The following GRIA4 variants were observed in gnomAD, a reference collection of about 807,000 sequenced individuals.
The protein encoded by GRIA4 is glutamate ionotropic receptor AMPA type subunit 4.
In GRIA4, 34 loss-of-function variants were observed where a neutral mutation model predicts 104.0. The observed-to-expected ratio is 0.33, with a 90% CI of 0.25 to 0.44. The LOEUF (loss-of-function observed/expected upper bound fraction) is 0.44, where lower values mean the gene tolerates loss of function less well. GRIA4 is among the 20% of genes least tolerant of loss of function. GRIA4 has a pLI of 1.00. For missense variants in GRIA4, 750 were observed against 1,096.5 expected, an observed-to-expected ratio of 0.68 and a Z score of 4.46; for synonymous variants, 386 against 381.9, an observed-to-expected ratio of 1.01 and a Z score of -0.13.
chr11:105,691,934 T>C (rs1271536594), intron 3 of GRIA4, among the ~76,000 whole-genome samples: 1 of 32,062 alleles, frequency 3.1e-5, no homozygotes, highest in African/African-American at 1.4e-4. Flanking sequence ...AAACTCCGTC[T>C]CAAAAAAAAA....
chr11:105,954,513 T>C (rs1455000100), intron 14 of GRIA4, among the ~76,000 whole-genome samples: 1 of 152,200 alleles, frequency 6.6e-6, no homozygotes, highest in East Asian at 1.9e-4. Context: ...TGATTTGTTG[T>C]ATTTTCTTTC....
intron 3 of GRIA4, among the ~76,000 whole-genome samples, chr11:105,713,228 C>T (rs1409112943): frequency 6.6e-6 from 1 of 151,930 alleles, no homozygotes; most frequent in African/African-American, 2.4e-5. Flanking sequence ...ACTAAAAATA[C>T]AAAAATTAGC....
intron 3 of GRIA4, among the ~76,000 whole-genome samples, chr11:105,683,455 C>T (rs578134834): frequency 6.6e-6 from 1 of 152,020 alleles, no homozygotes; most frequent in African/African-American, 2.4e-5. Flanking sequence ...TTAACCAAGG[C>T]TCCTGAAGAC....
At chr11:105,856,593 A>G (rs1012104319) in intron 4 of GRIA4, among the ~76,000 whole-genome samples, 9 of 152,172 alleles carry the variant, frequency 5.9e-5, no homozygotes, top group Non-Finnish European at 1.3e-4. Flanking sequence ...AAGAGAAGCA[A>G]GGAAATATAT....
chr11:105,640,743 T>C (rs1434756353), intron 3 of GRIA4, among the ~76,000 whole-genome samples: 1 of 152,012 alleles, frequency 6.6e-6, no homozygotes, highest in Non-Finnish European at 1.5e-5. Flanking sequence ...TGGACATATG[T>C]GTCCACAGGC....
At chr11:105,624,969 C>T (rs776945172) in intron 3 of GRIA4, among the ~76,000 whole-genome samples, 2 of 151,958 alleles carry the variant, frequency 1.3e-5, no homozygotes, top group Non-Finnish European at 2.9e-5. Flanking sequence ...AGACTATGCA[C>T]ATTATTTTTG....
At chr11:105,862,344 A>G (rs908635558) in intron 5 of GRIA4, 136 bp downstream of exon 5, 6 of 610,444 alleles carry the variant, frequency 9.8e-6, no homozygotes, top group Non-Finnish European at 1.7e-5. Context: ...TTCCATGACT[A>G]TCTTCAGGAC....
At position 105,887,522 on chromosome 11, in the gene GRIA4, G is replaced by T; in HGVS notation, c.676G>T (p.Val226Leu). The change falls in exon 6 of 17, where the codon GTA becomes TTA. Residue 226 changes from valine (V) to leucine (L), a missense_variant. This residue lies in a region of GRIA4 where 410 missense variants were observed against 502.7 expected (regional missense o/e 0.82). Coordinates refer to ENST00000282499, the MANE Select transcript of GRIA4 (RefSeq NM_000829.4). ...ERLQNILEQIVSVGKHVKGYH... is the reference protein window; with the variant it reads ...ERLQNILEQILSVGKHVKGYH... Reference sequence around the variant, plus strand: ...TTATTTGCTTATATCTTCACAGATTGTAAGTGTTGGAAAGCATGTTAAAGG... The same window carrying T: ...TTATTTGCTTATATCTTCACAGATTTTAAGTGTTGGAAAGCATGTTAAAGG... 7.4e-7 allele frequency: 1 copy of T among 1,358,742 alleles called. No individual in the cohort carries two copies. The highest frequency in any genetic ancestry group is 1.0e-6 in the Non-Finnish European group (1 of 964,756). The allele number at this position is 1,358,742 out of a possible 1,614,324, so 84.2% of individuals were successfully genotyped here. A position where few individuals can be genotyped will look rare whatever the true frequency, so the allele number is the denominator to read the frequency against.
chr11:105,844,194 T>C (rs1944494927), intron 4 of GRIA4, among the ~76,000 whole-genome samples: 1 of 152,214 alleles, frequency 6.6e-6, no homozygotes, highest in Non-Finnish European at 1.5e-5. Flanking sequence ...AAAAATTTAA[T>C]GAAATGGATA....
At chr11:105,704,742 A>AAATTTTGGGGTTT in intron 3 of GRIA4, among the ~76,000 whole-genome samples, 1 of 152,158 alleles carries the variant, frequency 6.6e-6, no homozygotes, top group Non-Finnish European at 1.5e-5. Context: ...AAAAATTTTA[A>AAATTTTGGGGTTT]AACATCCCCA....
chr11:105,926,686 C>A (rs1565346985), intron 12 of GRIA4, 55 bp from the exon 13 acceptor site: 1 of 1,068,632 alleles, frequency 9.4e-7, no homozygotes, highest in Non-Finnish European at 1.4e-6. Context: ...TATTTCTTTT[C>A]TTTCTCTATG....
intron 3 of GRIA4, among the ~76,000 whole-genome samples, chr11:105,739,481 A>C (rs1486592269): frequency 3.3e-5 from 5 of 152,202 alleles, no homozygotes; most frequent in Admixed American, 6.5e-5. Flanking sequence ...CTTAATTGAT[A>C]TATAATTAAA....
intron 3 of GRIA4, among the ~76,000 whole-genome samples, chr11:105,664,917 C>T (rs1010510890): frequency 6.6e-6 from 1 of 151,794 alleles, no homozygotes; most frequent in South Asian, 2.1e-4. Flanking sequence ...ACATTTGATT[C>T]TTTTTCCAAA....
At chr11:105,924,997 T>C (rs1947665562) in intron 12 of GRIA4, among the ~76,000 whole-genome samples, 1 of 152,138 alleles carries the variant, frequency 6.6e-6, no homozygotes, top group South Asian at 2.1e-4. Flanking sequence ...ATCAGAGCTC[T>C]CAAAAATCAT....
intron 3 of GRIA4, among the ~76,000 whole-genome samples, chr11:105,697,192 C>G (rs1415992327): frequency 6.6e-6 from 1 of 152,102 alleles, no homozygotes; most frequent in Non-Finnish European, 1.5e-5. Context: ...CAGAGTGTGA[C>G]TGTTTTGGTG....
intron 4 of GRIA4, among the ~76,000 whole-genome samples, chr11:105,764,954 G>T (rs554091299): frequency 1.3e-4 from 20 of 152,200 alleles, no homozygotes; most frequent in Admixed American, 8.5e-4. Context: ...ACATGTAGTT[G>T]TCAGAATGAG....
In GRIA4 at chr11:105,862,138, T is replaced by C. The variant is rs531902556; in HGVS notation, c.602T>C (p.Leu201Pro). The C allele has an allele frequency of 1.9e-6, 3 of 1,608,726 alleles. No individual in the cohort carries two copies. Among genetic ancestry groups the C allele is most frequent in the South Asian group, 1.1e-5 (1 of 90,976 alleles). ...AGCTATAGGCAACTTCTAGAAGAACTTGACAGAAGACAAGAGAAGAAGTTT... is the reference window on the plus strand; with the variant it reads ...AGCTATAGGCAACTTCTAGAAGAACCTGACAGAAGACAAGAGAAGAAGTTT... ...DVSYRQLLEE[L>P]DRRQEKKFVI... Residue 201 changes from leucine (L) to proline (P), a missense_variant, in exon 5 of 17, where the codon CTT (leucine) becomes CCT (proline). By Grantham distance (98) the Leu-to-Pro change is moderately conservative. Around this residue, in one of 3 missense-constraint regions of GRIA4, gnomAD observed 410 missense variants for 502.7 expected, o/e 0.82. Coordinates refer to ENST00000282499, the MANE Select transcript of GRIA4 (RefSeq NM_000829.4).
intron 11 of GRIA4, 95 bp downstream of exon 11, chr11:105,919,013 T>C (rs1947483835): frequency 1.3e-6 from 1 of 743,424 alleles, no homozygotes; most frequent in Non-Finnish European, 2.4e-6. Flanking sequence ...TATTATTGTT[T>C]AATTTGCAGC....
chr11:105,791,793 G>C (rs565683432), intron 4 of GRIA4, among the ~76,000 whole-genome samples: 20 of 152,286 alleles, frequency 1.3e-4, no homozygotes, highest in African/African-American at 4.1e-4. Flanking sequence ...ATGTCCATTT[G>C]AAGTTAACAT....
Sources: allele counts gnomAD v4.1 joint callset (sites outside exome capture counted in the v4.1 genomes callset), GRCh38; gene constraint gnomAD v4.1.1; regional missense constraint gnomAD v4.1.1; transcripts MANE v1.5; gene names NCBI Gene and HGNC (gene_info 2026-07-23, HGNC 2026-07-21).